Variants in PDE1C observed in about 807,000 individuals in gnomAD.
PDE1C encodes the protein phosphodiesterase 1C, also known as dual specificity calcium/calmodulin-dependent 3',5'-cyclic nucleotide phosphodiesterase 1C.
Under a neutral mutation model 93.1 loss-of-function variants are expected in PDE1C, and 62 were observed. The observed-to-expected ratio is 0.67, with a 90% confidence interval of 0.54 to 0.82. PDE1C has a LOEUF of 0.82. Ranked by LOEUF, PDE1C falls within the 40% of genes least tolerant of loss-of-function variation. The pLI is 0.00. For missense variants in PDE1C, 742 were observed against 884.6 expected, an observed-to-expected ratio of 0.84 and a Z score of 2.04; for synonymous variants, 325 against 310.1, an observed-to-expected ratio of 1.05 and a Z score of -0.50.
At chr7:31,718,263 C>G in the PDE1C span, among the ~76,000 whole-genome samples, 1 of 151,848 alleles carries the variant, frequency 6.6e-6, no homozygotes, top group Non-Finnish European at 1.5e-5. Context: ...GAGGAATAGC[C>G]CAGATTGAGA....
At chr7:31,983,040 T>C (rs191988763) in intron 2 of PDE1C, among the ~76,000 whole-genome samples, 3 of 152,268 alleles carry the variant, frequency 2.0e-5, no homozygotes, top group Admixed American at 1.3e-4. Context: ...TTAGGGAAAT[T>C]TCCTTTTGCA....
At chr7:31,759,122 C>A (rs1794671296) in intron 17 of PDE1C, among the ~76,000 whole-genome samples, 1 of 152,164 alleles carries the variant, frequency 6.6e-6, no homozygotes, top group Admixed American at 6.5e-5. Context: ...CACCCTCACT[C>A]AAAATGTGGG....
At chr7:32,361,887 C>T (rs1021691269) in intron 1 of PDE1C, among the ~76,000 whole-genome samples, 3 of 152,208 alleles carry the variant, frequency 2.0e-5, no homozygotes, top group African/African-American at 7.2e-5. Flanking sequence ...GCTCTTTACT[C>T]CTCAAGAACC....
intron 1 of PDE1C, among the ~76,000 whole-genome samples, chr7:32,336,797 A>G (rs1224988728): frequency 6.6e-6 from 1 of 152,222 alleles, no homozygotes; most frequent in Non-Finnish European, 1.5e-5. Context: ...ATAACTGCCT[A>G]TAGGAAACTT....
intron 16 of PDE1C, chr7:31,790,129 T>C: frequency 6.3e-7 from 1 of 1,579,106 alleles, no homozygotes; most frequent in Non-Finnish European, 8.6e-7. Flanking sequence ...GTTTGAAAGT[T>C]GTACACCTTC....
Position 32,317,826 on chromosome 7 carries a change from G to A in PDE1C, c.311-108287C>T, listed in dbSNP as rs190209169. On this transcript the variant is annotated intron_variant, in intron 1 of 1. Coordinates refer to the PDE1C transcript ENST00000672256. ...TGACTTAATACATGAATGGTGCTTA[G>A]AGCAGTGTCTGGCACACAGTAACCA... 1.6e-3 allele frequency among the ~76,000 whole-genome samples: 251 copies of A among 152,288 alleles called. 1 individual carries two copies. The highest frequency in any genetic ancestry group is 5.6e-3 in the African/African-American group (232 of 41,564).
Position 32,421,897 on chromosome 7 carries a change from A to G in PDE1C, c.310+5925T>C, listed in dbSNP as rs997111967. ...TACACCCAGCAGGAGCAAATGTACCACTGATGGCTAGGCAGGTTACTTGAT... is the reference window on the plus strand; with the variant it reads ...TACACCCAGCAGGAGCAAATGTACCGCTGATGGCTAGGCAGGTTACTTGAT... On this transcript the variant is annotated intron_variant, in intron 1 of 1. Transcript: ENST00000672256. Among the ~76,000 whole-genome samples, 5 of 152,258 alleles carry G rather than the reference A, an allele frequency of 3.3e-5. No homozygotes were observed. In the East Asian group the frequency reaches 9.6e-4, roughly 29 times the overall value.
At chr7:32,090,209 C>G (rs1797392179) in intron 3 of PDE1C, among the ~76,000 whole-genome samples, 1 of 152,196 alleles carries the variant, frequency 6.6e-6, no homozygotes, top group African/African-American at 2.4e-5. Context: ...TAACAACACT[C>G]CTACATTTAT....
At chr7:31,841,227 C>CTCTCTCTCTCTATATATA (rs751320538) in intron 9 of PDE1C, among the ~76,000 whole-genome samples, 3 of 142,262 alleles carry the variant, frequency 2.1e-5, no homozygotes, top group African/African-American at 5.3e-5. Context: ...CTCTCTCTCT[C>CTCTCTCTCTCTATATATA]TATATATATA....
intron 1 of PDE1C, among the ~76,000 whole-genome samples, chr7:32,315,304 G>T (rs1370212203): frequency 6.6e-6 from 1 of 151,862 alleles, no homozygotes; most frequent in Non-Finnish European, 1.5e-5. Flanking sequence ...TTGTTTTGGG[G>T]TGATTTTTGC....
At chr7:31,713,058 C>T in the PDE1C span, among the ~76,000 whole-genome samples, 22 of 152,248 alleles carry the variant, frequency 1.4e-4, no homozygotes, top group Admixed American at 3.3e-4. Flanking sequence ...TTCAACAGTC[C>T]CCCAAAGTCT....
intron 2 of PDE1C, among the ~76,000 whole-genome samples, chr7:31,898,732 C>T (rs527968109): frequency 1.4e-4 from 22 of 152,316 alleles, no homozygotes; most frequent in African/African-American, 5.3e-4. Context: ...ATAGCAACCT[C>T]CTCTTTTTCT....
intron 2 of PDE1C, among the ~76,000 whole-genome samples, chr7:31,888,015 G>A (rs1399553854): frequency 1.3e-5 from 2 of 152,056 alleles, no homozygotes; most frequent in East Asian, 1.9e-4. Context: ...AGCACTTTGG[G>A]AGGCCAAGGC....
intron 2 of PDE1C, among the ~76,000 whole-genome samples, chr7:32,171,304 C>G (rs983672981): frequency 6.6e-6 from 1 of 151,976 alleles, no homozygotes; most frequent in Admixed American, 6.6e-5. Flanking sequence ...GACAGAACAC[C>G]TGACCCGTGC....
chr7:31,800,587 A>C (rs1009847712), intron 16 of PDE1C, among the ~76,000 whole-genome samples: 5 of 151,400 alleles, frequency 3.3e-5, no homozygotes, highest in Non-Finnish European at 7.4e-5. Flanking sequence ...TATTCTGTTG[A>C]TCTGTTGGTC....
chr7:32,053,430 A>G (rs1400640152), intron 1 of PDE1C, among the ~76,000 whole-genome samples: 1 of 152,226 alleles, frequency 6.6e-6, no homozygotes, highest in African/African-American at 2.4e-5. Context: ...GCCATGGAGC[A>G]TAGTGAGCTG....
At chr7:31,989,086 GAAAC>G (rs1007134024) in intron 2 of PDE1C, among the ~76,000 whole-genome samples, 1 of 139,316 alleles carries the variant, frequency 7.2e-6, no homozygotes, top group East Asian at 2.1e-4. Context: ...GAGAGAGAAA[GAAAC>G]AAAGAAAGAA....
intron 2 of PDE1C, among the ~76,000 whole-genome samples, chr7:31,905,611 A>G (rs1031975232): frequency 6.6e-6 from 1 of 152,178 alleles, no homozygotes; most frequent in Non-Finnish European, 1.5e-5. Context: ...TTATATTGCT[A>G]TGAGCATAGT....
At chr7:31,870,959 CTTTTATGCTAATAGTATAT>C (rs1795873200) in intron 6 of PDE1C, among the ~76,000 whole-genome samples, 2 of 150,866 alleles carry the variant, frequency 1.3e-5, no homozygotes, top group African/African-American at 4.9e-5. Flanking sequence ...TTTTAGTATA[CTTTTATGCTAATAGTATAT>C]TTTTATACTA....
Sources: allele counts gnomAD v4.1 joint callset (sites outside exome capture counted in the v4.1 genomes callset), GRCh38; gene constraint gnomAD v4.1.1; transcripts MANE v1.5; gene names NCBI Gene and HGNC (gene_info 2026-07-23, HGNC 2026-07-21).